Variants in DAPK2 observed in about 807,000 individuals in gnomAD.
The protein encoded by DAPK2 is death-associated protein kinase 2.
In DAPK2, 35 loss-of-function variants were observed where a neutral mutation model predicts 44.1. The ratio of observed to expected loss-of-function variants is 0.79; its 90% CI spans 0.61 to 1.05. The LOEUF is 1.05. Ranked by LOEUF, DAPK2 falls within the 50% of genes least tolerant of loss-of-function variation. The pLI, the probability that DAPK2 is intolerant of heterozygous loss-of-function variation, is 0.00. For missense variants in DAPK2, 453 were observed against 483.2 expected (o/e 0.94, Z 0.59); for synonymous variants, 174 against 182.6 (o/e 0.95, Z 0.38).
chr15:64,012,284 C>T (rs948435661), intron 1 of DAPK2, among the ~76,000 whole-genome samples: 7 of 152,190 alleles, frequency 4.6e-5, no homozygotes, highest in African/African-American at 1.4e-4. Context: ...AAATAGTCTA[C>T]GTGGCTTATA....
chr15:64,023,415 T>TAC (rs2079747940), intron 1 of DAPK2, among the ~76,000 whole-genome samples: 1 of 152,092 alleles, frequency 6.6e-6, no homozygotes. Flanking sequence ...TTGGGTGTGG[T>TAC]ACACACACAC....
intron 1 of DAPK2, among the ~76,000 whole-genome samples, chr15:64,007,361 A>T (rs1375356440): frequency 6.6e-6 from 1 of 151,498 alleles, no homozygotes; most frequent in East Asian, 1.9e-4. Context: ...GCCCCCACTC[A>T]GTTTCCAGTT....
intron 4 of DAPK2, among the ~76,000 whole-genome samples, chr15:63,934,273 T>C (rs2077069854): frequency 1.4e-5 from 2 of 145,568 alleles, no homozygotes; most frequent in African/African-American, 5.1e-5. Flanking sequence ...TTTTTTTTTT[T>C]TTGAGACTGA....
intron 2 of DAPK2, among the ~76,000 whole-genome samples, chr15:63,974,968 CAG>C (rs756128088): frequency 4.6e-5 from 7 of 152,104 alleles, no homozygotes; most frequent in Admixed American, 1.3e-4. Context: ...TTTAAATGGG[CAG>C]AGAGTATAAT....
chr15:63,978,537 T>C (rs1005783624), intron 2 of DAPK2, among the ~76,000 whole-genome samples: 6 of 152,092 alleles, frequency 3.9e-5, no homozygotes, highest in Non-Finnish European at 7.4e-5. Flanking sequence ...GAACAGCCAC[T>C]GTGCCCCCTA....
At chr15:64,037,266 G>A (rs1008405992) in intron 1 of DAPK2, among the ~76,000 whole-genome samples, 4 of 152,112 alleles carry the variant, frequency 2.6e-5, no homozygotes, top group South Asian at 2.1e-4. Context: ...GGCCTCCTGC[G>A]GGTTCCCCAG....
At chr15:63,975,312 G>T (rs1183202513) in intron 2 of DAPK2, among the ~76,000 whole-genome samples, 1 of 152,072 alleles carries the variant, frequency 6.6e-6, no homozygotes, top group Non-Finnish European at 1.5e-5. Context: ...CAGCAGTGAG[G>T]CCTTAAAACC....
chr15:64,001,984 T>C (rs1304311491), intron 1 of DAPK2, among the ~76,000 whole-genome samples: 1 of 152,036 alleles, frequency 6.6e-6, no homozygotes, highest in Non-Finnish European at 1.5e-5. Flanking sequence ...TTAATAAATA[T>C]CTGTTGAGTG....
chr15:63,922,666 C>T (rs904389802), intron 8 of DAPK2: 12 of 1,451,070 alleles, frequency 8.3e-6, no homozygotes, highest in South Asian at 1.4e-5. Context: ...AGCTGGAGGC[C>T]GCAGCAGGGT....
At chr15:64,045,674 C>A (rs956895075) in intron 1 of DAPK2, among the ~76,000 whole-genome samples, 1 of 152,242 alleles carries the variant, frequency 6.6e-6, no homozygotes, top group Non-Finnish European at 1.5e-5. Flanking sequence ...GTTAGCCAGA[C>A]CTATGCAAGC....
At chr15:63,972,767 G>A (rs1703673796) in intron 2 of DAPK2, among the ~76,000 whole-genome samples, 1 of 152,142 alleles carries the variant, frequency 6.6e-6, no homozygotes. Context: ...GTTACTCAAA[G>A]GGAAGAAAGC....
intron 1 of DAPK2, among the ~76,000 whole-genome samples, chr15:63,986,498 C>T (rs1197646208): frequency 6.6e-6 from 1 of 152,128 alleles, no homozygotes; most frequent in Non-Finnish European, 1.5e-5. Flanking sequence ...GATCATAACT[C>T]ACTGCAGCCT....
intron 3 of DAPK2, among the ~76,000 whole-genome samples, chr15:63,959,354 C>T (rs2140613162): frequency 6.6e-6 from 1 of 152,266 alleles, no homozygotes; most frequent in African/African-American, 2.4e-5. Flanking sequence ...ATTTCTTTCT[C>T]TTGCCTGATT....
intron 8 of DAPK2, chr15:63,924,532 T>C (rs2140327131): frequency 2.7e-6 from 1 of 375,164 alleles, no homozygotes; most frequent in East Asian, 4.6e-5. Context: ...CAAAGAACAC[T>C]GTGTAAGTTG....
Position 63,908,678 on chromosome 15 carries a change from G to T in DAPK2, c.1033-78C>A. 7.8e-7 allele frequency: 1 copy of T among 1,285,658 alleles called. No individual in the cohort carries two copies. Among genetic ancestry groups the T allele is most frequent in the Non-Finnish European group, 1.0e-6 (1 of 955,712 alleles). 79.6% of individuals were successfully genotyped at this position (1,285,658 alleles called of 1,614,324 possible). ...GGAATGGGGCTGTGCTGGGCAACCTGGGTTGATTCACCTGGACCACGGGAC... is the reference window on the plus strand; with the variant it reads ...GGAATGGGGCTGTGCTGGGCAACCTTGGTTGATTCACCTGGACCACGGGAC... On this transcript the variant is annotated intron_variant, in intron 10 of 10. Transcript: ENST00000261891. The surrounding 1 kb of genome is among the most constrained non-coding windows in gnomAD (Gnocchi z 5.7).
intron 6 of DAPK2, among the ~76,000 whole-genome samples, chr15:63,928,695 A>G (rs994806748): frequency 2.6e-5 from 4 of 152,306 alleles, no homozygotes; most frequent in Non-Finnish European, 5.9e-5. Context: ...TGATAGTATC[A>G]TGGGACTCCA....
At chr15:63,973,949 T>C (rs2078280377) in intron 2 of DAPK2, among the ~76,000 whole-genome samples, 1 of 152,188 alleles carries the variant, frequency 6.6e-6, no homozygotes, top group Non-Finnish European at 1.5e-5. Context: ...AAGCCCCCTT[T>C]CTTCAATTTT....
chr15:63,972,195 C>T (rs1438646034), intron 2 of DAPK2, among the ~76,000 whole-genome samples: 1 of 152,202 alleles, frequency 6.6e-6, no homozygotes, highest in Non-Finnish European at 1.5e-5. Flanking sequence ...GTCAGCCACC[C>T]AGTTTATGGT....
chr15:63,908,444 C>G lies in DAPK2; in HGVS notation c.*76G>C. ...AGGACGCCCGGGTGCTGGTGCTGAG[C>G]TGGGTCCAAAAGTCTGCACAGAAGG... On this transcript the variant is annotated 3_prime_UTR_variant, in exon 11 of 11. Coordinates refer to ENST00000261891, the Ensembl canonical transcript of DAPK2. This position sits in a 1 kb window ranked among gnomAD's most constrained non-coding sequence, Gnocchi z 5.7. 1 of 963,030 alleles carries G rather than the reference C, an allele frequency of 1.0e-6. No homozygotes were observed. Among genetic ancestry groups the G allele is most frequent in the Non-Finnish European group, 1.5e-6 (1 of 668,186 alleles). The allele number at this position is 963,030 out of a possible 1,614,324, so 59.7% of individuals were successfully genotyped here.
Sources: gnomAD v4.1 joint callset for allele counts (sites outside exome capture counted in the v4.1 genomes callset) on GRCh38, gnomAD v4.1.1 for gene constraint, Gnocchi (gnomAD v3.1) non-coding constraint, MANE v1.5 for transcripts, NCBI Gene and HGNC (gene_info 2026-07-23, HGNC 2026-07-21) for gene names.